LARP1B: variants seen among roughly 807,000 people sequenced by gnomAD.
LARP1B encodes the protein la-related protein 1B.
A neutral mutation model predicts 114.2 loss-of-function variants in LARP1B; 76 were observed. That is an observed-to-expected ratio of 0.67 (90% CI 0.55 to 0.81). LARP1B has a LOEUF of 0.81. LARP1B is among the 30% of genes least tolerant of loss of function. The pLI is 0.00. For synonymous variants in LARP1B, 345 were observed against 348.0 expected, an observed-to-expected ratio of 0.99 and a Z score of 0.10; for missense variants, 1,014 against 1,075.8, an observed-to-expected ratio of 0.94 and a Z score of 0.80.
At chr4:128,099,555 T>C (rs929213417) in intron 8 of LARP1B, among the ~76,000 whole-genome samples, 9 of 152,158 alleles carry the variant, frequency 5.9e-5, no homozygotes. Context: ...GATTCACCTA[T>C]GTTGCATGTA....
chr4:128,155,724 C>G (rs1206802179), intron 11 of LARP1B: 1 of 1,608,042 alleles, frequency 6.2e-7, no homozygotes, highest in Non-Finnish European at 8.5e-7. Flanking sequence ...GAGTAAGGCC[C>G]GAGCGGAACA....
At chr4:128,113,664 A>G (rs1784853064) in intron 9 of LARP1B, among the ~76,000 whole-genome samples, 1 of 152,018 alleles carries the variant, frequency 6.6e-6, no homozygotes, top group Admixed American at 6.6e-5. Flanking sequence ...TATCATTTTG[A>G]TTAAAAATAA....
downstream of LARP1B, among the ~76,000 whole-genome samples, chr4:128,213,396 CTCTT>C (rs1759247601): frequency 6.6e-6 from 1 of 152,198 alleles, no homozygotes; most frequent in Non-Finnish European, 1.5e-5. Context: ...GAGTGATTAT[CTCTT>C]TCTGATAAAT....
chr4:128,075,127 G>T, intron 3 of LARP1B, 134 bp downstream of exon 3: 1 of 653,354 alleles, frequency 1.5e-6, no homozygotes, highest in Non-Finnish European at 2.7e-6. Context: ...TTTTGAGACA[G>T]GGTCTTGCTC....
chr4:128,162,175 T>G lies in LARP1B; in HGVS notation c.1525-19T>G, dbSNP rs1479491281. ...TCTGTTAGCCAGTTTAGTAATTAGATTCCTCCATTCTACTTCAGCAAGAAG... is the reference window on the plus strand; with the variant it reads ...TCTGTTAGCCAGTTTAGTAATTAGAGTCCTCCATTCTACTTCAGCAAGAAG... On this transcript the variant is annotated intron_variant, in intron 11 of 19. Transcript: ENST00000326639. 6.2e-7 allele frequency: 1 copy of G among 1,609,450 alleles called. No homozygotes were observed. The highest frequency in any genetic ancestry group is 8.5e-7 in the Non-Finnish European group (1 of 1,177,356).
chr4:128,117,615 C>T (rs1345782212), intron 10 of LARP1B, among the ~76,000 whole-genome samples: 1 of 151,774 alleles, frequency 6.6e-6, no homozygotes, highest in African/African-American at 2.4e-5. Context: ...AACTCCTGAC[C>T]TCAGGTGATC....
chr4:128,130,672 C>G (rs1321161607), intron 11 of LARP1B, among the ~76,000 whole-genome samples: 1 of 152,240 alleles, frequency 6.6e-6, no homozygotes, highest in Non-Finnish European at 1.5e-5. Context: ...ACCAAAGGAT[C>G]TAGCAAATTT....
intron 11 of LARP1B, among the ~76,000 whole-genome samples, chr4:128,138,539 T>C (rs1267310874): frequency 6.6e-6 from 1 of 152,166 alleles, no homozygotes; most frequent in Non-Finnish European, 1.5e-5. Flanking sequence ...AAGTCAAATA[T>C]TTGTGGAAAG....
chr4:128,106,235 G>A (rs546118773), intron 8 of LARP1B, among the ~76,000 whole-genome samples: 1 of 152,172 alleles, frequency 6.6e-6, no homozygotes, highest in East Asian at 1.9e-4. Flanking sequence ...TATTGGCCAA[G>A]ATGGTCTCAA....
At chr4:128,064,491 A>G (rs1369386131) in intron 1 of LARP1B, among the ~76,000 whole-genome samples, 1 of 152,214 alleles carries the variant, frequency 6.6e-6, no homozygotes, top group Non-Finnish European at 1.5e-5. Flanking sequence ...CTTCCTCGCT[A>G]TAAAGAGCTG....
chr4:128,085,763 G>C (rs1050313380), intron 5 of LARP1B, among the ~76,000 whole-genome samples: 1 of 152,054 alleles, frequency 6.6e-6, no homozygotes, highest in African/African-American at 2.4e-5. Context: ...ATAGTTTTTG[G>C]TCTTCATGAA....
chr4:128,065,461 C>T (rs1224553987), intron 1 of LARP1B, among the ~76,000 whole-genome samples: 4 of 151,532 alleles, frequency 2.6e-5, no homozygotes, highest in African/African-American at 9.7e-5. Context: ...CCTCCTGCTT[C>T]CCAAAGTGCA....
intron 8 of LARP1B, among the ~76,000 whole-genome samples, chr4:128,105,062 AG>A (rs1019111637): frequency 3.2e-5 from 4 of 125,816 alleles, no homozygotes; most frequent in African/African-American, 1.1e-4. Context: ...GAAAGTTTCA[AG>A]GAGTTTTTTT....
At chr4:128,157,677 G>A (rs1175990446) in intron 11 of LARP1B, among the ~76,000 whole-genome samples, 1 of 152,124 alleles carries the variant, frequency 6.6e-6, no homozygotes, top group Non-Finnish European at 1.5e-5. Context: ...TAGTTACAGT[G>A]CCTGAAAGAA....
intron 11 of LARP1B, among the ~76,000 whole-genome samples, chr4:128,139,745 A>G (rs1470932291): frequency 6.6e-6 from 1 of 152,232 alleles, no homozygotes; most frequent in East Asian, 1.9e-4. Context: ...GACTGAGAAC[A>G]TGAAAAGATG....
chr4:128,104,772 GA>G (rs1781495516), intron 8 of LARP1B, among the ~76,000 whole-genome samples: 1 of 152,112 alleles, frequency 6.6e-6, no homozygotes, highest in African/African-American at 2.4e-5. Flanking sequence ...TGCTCCTATT[GA>G]TAGACATATT....
At chr4:128,192,212 C>T (rs535890540) in intron 15 of LARP1B, among the ~76,000 whole-genome samples, 4 of 152,076 alleles carry the variant, frequency 2.6e-5, no homozygotes, top group African/African-American at 9.6e-5. Context: ...TGGTAGAGTA[C>T]AGTATAATGT....
intron 17 of LARP1B, among the ~76,000 whole-genome samples, chr4:128,203,323 CT>C (rs1401557934): frequency 6.4e-4 from 89 of 138,618 alleles, no homozygotes; most frequent in Middle Eastern, 3.6e-3. Flanking sequence ...CCCTCTCTCC[CT>C]CCCTCCCTCC....
chr4:128,108,163 G>A, intron 9 of LARP1B: 1 of 1,244,046 alleles, frequency 8.0e-7, no homozygotes, highest in Non-Finnish European at 1.0e-6. Context: ...TAATTGGCCT[G>A]GGCTGCATGG....
Sources: gnomAD v4.1 joint callset for allele counts (sites outside exome capture counted in the v4.1 genomes callset) on GRCh38, gnomAD v4.1.1 for gene constraint, MANE v1.5 for transcripts, NCBI Gene and HGNC (gene_info 2026-07-23, HGNC 2026-07-21) for gene names.